AFAP1L2: variants seen among roughly 807,000 people sequenced by gnomAD.
The protein encoded by AFAP1L2 is actin filament-associated protein 1-like 2.
AFAP1L2 carries 46 observed loss-of-function variants against 99.3 expected under a neutral mutation model. The ratio of observed to expected loss-of-function variants is 0.46; its 90% CI spans 0.37 to 0.59. AFAP1L2 has a LOEUF of 0.59. Ranked by LOEUF, AFAP1L2 falls within the 20% of genes least tolerant of loss-of-function variation. The probability of loss-of-function intolerance (pLI) is 0.00; values close to 1 mark genes in which losing one functional copy is unlikely to be tolerated. For missense variants in AFAP1L2, 959 were observed against 1,034.9 expected, an observed-to-expected ratio of 0.93 and a Z score of 1.01; for synonymous variants, 397 against 419.1, an observed-to-expected ratio of 0.95 and a Z score of 0.64.
intron 2 of AFAP1L2, among the ~76,000 whole-genome samples, chr10:114,337,741 G>A (rs1433205700): frequency 6.6e-6 from 1 of 152,206 alleles, no homozygotes; most frequent in Non-Finnish European, 1.5e-5. Context: ...AAGATCCACG[G>A]GTCAGACTTA....
At chr10:114,373,918 A>T (rs1480705943) in intron 1 of AFAP1L2, among the ~76,000 whole-genome samples, 1 of 152,154 alleles carries the variant, frequency 6.6e-6, no homozygotes, top group Admixed American at 6.5e-5. Flanking sequence ...AGCACAGCCT[A>T]GGTCCACAGC....
intron 1 of AFAP1L2, among the ~76,000 whole-genome samples, chr10:114,346,503 G>A (rs2049599485): frequency 6.6e-6 from 1 of 152,280 alleles, no homozygotes; most frequent in East Asian, 1.9e-4. Context: ...ACAAAGGCAA[G>A]GCCCCAGAGT....
In AFAP1L2 at chr10:114,302,492, G is replaced by T. The variant is rs371254976; in HGVS notation, c.1285-8C>A. The T allele has an allele frequency of 6.2e-7, 1 of 1,613,738 alleles. No homozygotes were observed. Among genetic ancestry groups the T allele is most frequent in the South Asian group, 1.1e-5 (1 of 91,066 alleles). On this transcript the variant is annotated splice_polypyrimidine_tract_variant and splice_region_variant and intron_variant, in intron 11 of 18. Transcript: ENST00000304129. ...TTCCTCGGAAGACTTGGCCTGGAAC[G>T]AGGCCAAGAGAGACATAAGCAGGGC...
intron 13 of AFAP1L2, among the ~76,000 whole-genome samples, chr10:114,301,130 C>T (rs138129673): frequency 9.7e-4 from 147 of 152,322 alleles, no homozygotes; most frequent in African/African-American, 3.4e-3. Flanking sequence ...AGGGGTTCAC[C>T]GGTGTTTCAT....
chr10:114,368,435 T>C (rs1028176113), intron 1 of AFAP1L2, among the ~76,000 whole-genome samples: 2 of 152,154 alleles, frequency 1.3e-5, no homozygotes, highest in Non-Finnish European at 2.9e-5. Flanking sequence ...TGTTTGTTTG[T>C]TTGAGACAGG....
chr10:114,356,587 T>A (rs2051426487), intron 1 of AFAP1L2, among the ~76,000 whole-genome samples: 1 of 152,238 alleles, frequency 6.6e-6, no homozygotes, highest in Non-Finnish European at 1.5e-5. Context: ...TAAATTTTAT[T>A]TCTATTGGAT....
In AFAP1L2 at chr10:114,295,565, G is replaced by C. The variant is rs557135747; in HGVS notation, c.*477C>G. 2 of 986,808 alleles carry C rather than the reference G, an allele frequency of 2.0e-6. No homozygotes were observed. Among genetic ancestry groups the C allele is most frequent in the East Asian group, 1.1e-4 (1 of 8,856 alleles). The allele number at this position is 986,808 out of a possible 1,614,324, so 61.1% of individuals were successfully genotyped here. Reference sequence around the variant, plus strand: ...GAGTTGGGCCTGGTAATATTGGAGAGAACTGAAGGCAAGGATGGTTTAATC... The same window carrying C: ...GAGTTGGGCCTGGTAATATTGGAGACAACTGAAGGCAAGGATGGTTTAATC... On this transcript the variant is annotated 3_prime_UTR_variant, in exon 19 of 19. Transcript: ENST00000304129.
chr10:114,300,372 A>C lies in AFAP1L2; in HGVS notation c.1789-10T>G. ...CCAAACTCTCCAGCTGCTTTGGGGG[A>C]AAGCAGACCTGACTCAGCTGGCTGA... On this transcript the variant is annotated splice_polypyrimidine_tract_variant and intron_variant, in intron 14 of 18. Transcript: ENST00000304129. The C allele has an allele frequency of 6.2e-7, 1 of 1,614,072 alleles. No homozygotes were observed. Among genetic ancestry groups the C allele is most frequent in the Non-Finnish European group, 8.5e-7 (1 of 1,179,998 alleles).
chr10:114,392,306 T>C (rs2057250291), intron 1 of AFAP1L2, among the ~76,000 whole-genome samples: 1 of 152,158 alleles, frequency 6.6e-6, no homozygotes, highest in Admixed American at 6.5e-5. Flanking sequence ...AGAGGATGGC[T>C]TGAGCTCAGG....
intron 5 of AFAP1L2, among the ~76,000 whole-genome samples, chr10:114,322,833 C>T (rs1357651582): frequency 2.0e-5 from 3 of 152,228 alleles, no homozygotes; most frequent in African/African-American, 7.2e-5. Context: ...GGCCAACACT[C>T]CTCTCTTCTG....
chr10:114,284,728 C>T, the AFAP1L2 span: 1 of 780,078 alleles, frequency 1.3e-6, no homozygotes, highest in Non-Finnish European at 2.0e-6. Context: ...CTGCAGATTT[C>T]CTGGTGGACT....
chr10:114,292,316 C>T (rs994695589), downstream of AFAP1L2, among the ~76,000 whole-genome samples: 23 of 151,802 alleles, frequency 1.5e-4, no homozygotes, highest in Admixed American at 1.2e-3. Flanking sequence ...TTAATTGTGG[C>T]GTGTTTATGG....
rs1038143596 is a variant in AFAP1L2, at chr10:114,302,436, CAGAG to C, written c.1329_1332del (p.Glu445GlnfsTer24). The C allele has an allele frequency of 6.2e-7, 1 of 1,614,044 alleles. No individual in the cohort carries two copies. Among genetic ancestry groups the C allele is most frequent in the South Asian group, 1.1e-5 (1 of 91,094 alleles). ...TCTGGGTCTGTCTTGGAGCCTGACTCAGAGAGCAGGAGACCCAGCCAGTGGCCCA... is the reference window on the plus strand; with the variant it reads ...TCTGGGTCTGTCTTGGAGCCTGACTCAGCAGGAGACCCAGCCAGTGGCCCA... On this transcript the variant is annotated frameshift_variant, in exon 12 of 19. Coordinates refer to ENST00000304129, the MANE Select transcript of AFAP1L2 (RefSeq NM_001001936.3). LOFTEE classifies it high-confidence loss of function.
At chr10:114,380,622 G>T (rs1433589649) in intron 1 of AFAP1L2, among the ~76,000 whole-genome samples, 3 of 152,174 alleles carry the variant, frequency 2.0e-5, no homozygotes, top group Admixed American at 1.3e-4. Context: ...ATATCATAAA[G>T]CCACAATAAT....
At chr10:114,395,324 T>TTGC (rs915551342) in intron 1 of AFAP1L2, among the ~76,000 whole-genome samples, 39 of 152,246 alleles carry the variant, frequency 2.6e-4, no homozygotes, top group African/African-American at 8.9e-4. Context: ...AACAGAATAT[T>TTGC]TGCCTCCAAG....
chr10:114,302,042 T>C, intron 12 of AFAP1L2: 1 of 370,720 alleles, frequency 2.7e-6, no homozygotes, highest in Non-Finnish European at 5.0e-6. Flanking sequence ...GAAGGACAAG[T>C]AGGAGGTCAG....
At chr10:114,392,863 TCTCA>T (rs963362443) in intron 1 of AFAP1L2, among the ~76,000 whole-genome samples, 1 of 152,180 alleles carries the variant, frequency 6.6e-6, no homozygotes, top group Non-Finnish European at 1.5e-5. Flanking sequence ...TCCTTTGCAC[TCTCA>T]CTTTCTCTCT....
chr10:114,348,604 A>G (rs1009109289), intron 1 of AFAP1L2, among the ~76,000 whole-genome samples: 2 of 152,242 alleles, frequency 1.3e-5, no homozygotes, highest in South Asian at 4.1e-4. Context: ...CCAGATTGCC[A>G]TGCTCTCAAA....
chr10:114,300,096 C>T lies in AFAP1L2; in HGVS notation c.1957+98G>A, dbSNP rs879142791. 257 of 1,516,302 alleles carry T rather than the reference C, an allele frequency of 1.7e-4. 2 individuals are homozygous for T. The highest frequency in any genetic ancestry group is 2.4e-4 in the South Asian group (20 of 83,646). 93.9% of individuals were successfully genotyped at this position (1,516,302 alleles called of 1,614,324 possible). Reference sequence around the variant, plus strand: ...GTGTGAGTCAATTCTCCTTAATAAACGCCCTTTCATATATACATCTATCCT... The same window carrying T: ...GTGTGAGTCAATTCTCCTTAATAAATGCCCTTTCATATATACATCTATCCT... On this transcript the variant is annotated intron_variant, in intron 15 of 18. Coordinates refer to ENST00000304129, the MANE Select transcript of AFAP1L2 (RefSeq NM_001001936.3).
Sources: gnomAD v4.1 joint callset for allele counts (sites outside exome capture counted in the v4.1 genomes callset) on GRCh38, gnomAD v4.1.1 for gene constraint, MANE v1.5 for transcripts, NCBI Gene and HGNC (gene_info 2026-07-23, HGNC 2026-07-21) for gene names.